OLA1: variants seen among roughly 807,000 people sequenced by gnomAD.
The protein encoded by OLA1 is obg-like ATPase 1.
In OLA1, 14 loss-of-function variants were observed where a neutral mutation model predicts 48.4. The observed-to-expected ratio is 0.29, with a 90% CI of 0.19 to 0.45. The LOEUF (loss-of-function observed/expected upper bound fraction) is 0.45, where lower values mean the gene tolerates loss of function less well. OLA1 is among the 20% of genes least tolerant of loss of function. OLA1 has a pLI of 1.00. For missense variants in OLA1, 325 were observed against 467.1 expected (o/e 0.70, Z 2.80); for synonymous variants, 127 against 150.4 (o/e 0.84, Z 1.14).
intron 3 of OLA1, among the ~76,000 whole-genome samples, chr2:174,227,275 A>G (rs1026122779): frequency 1.3e-5 from 2 of 152,164 alleles, no homozygotes; most frequent in Non-Finnish European, 2.9e-5. Flanking sequence ...AAAATAAGAT[A>G]AAACAACTGA....
At chr2:174,110,699 A>G (rs1685628907) in intron 7 of OLA1, among the ~76,000 whole-genome samples, 2 of 152,198 alleles carry the variant, frequency 1.3e-5, no homozygotes, top group Non-Finnish European at 2.9e-5. Flanking sequence ...TTCCCGCCTC[A>G]GCCTCCTGAG....
chr2:174,189,857 T>G (rs1288517013), intron 4 of OLA1, among the ~76,000 whole-genome samples: 1 of 108,260 alleles, frequency 9.2e-6, no homozygotes, highest in Non-Finnish European at 1.8e-5. Flanking sequence ...TATAATATAA[T>G]CAGAGCAAAA....
chr2:174,177,547 T>C (rs1687446991), intron 4 of OLA1, among the ~76,000 whole-genome samples: 1 of 152,156 alleles, frequency 6.6e-6, no homozygotes, highest in Non-Finnish European at 1.5e-5. Flanking sequence ...ATTCTGAATA[T>C]TGACATGCAT....
At chr2:174,182,273 C>T (rs922477149) in intron 4 of OLA1, among the ~76,000 whole-genome samples, 1 of 152,066 alleles carries the variant, frequency 6.6e-6, no homozygotes, top group African/African-American at 2.4e-5. Flanking sequence ...GCCTGTAATC[C>T]CAGCACTTTG....
intron 4 of OLA1, among the ~76,000 whole-genome samples, chr2:174,200,612 A>G (rs1687970854): frequency 6.6e-6 from 1 of 152,208 alleles, no homozygotes; most frequent in African/African-American, 2.4e-5. Context: ...ATCAATATGG[A>G]TAACTGCAAT....
chr2:174,131,795 T>C (rs949736105), intron 5 of OLA1, among the ~76,000 whole-genome samples: 3 of 152,080 alleles, frequency 2.0e-5, no homozygotes, highest in Admixed American at 6.5e-5. Context: ...AATTCTTTGT[T>C]AGATGCTGCA....
intron 4 of OLA1, among the ~76,000 whole-genome samples, chr2:174,156,368 C>CATT (rs920904782): frequency 3.2e-4 from 48 of 152,220 alleles, no homozygotes; most frequent in South Asian, 2.1e-4. Context: ...AGTTGAAATG[C>CATT]ATTAGTACAT....
chr2:174,223,908 CA>C (rs967483431), intron 3 of OLA1, among the ~76,000 whole-genome samples: 11 of 151,808 alleles, frequency 7.2e-5, no homozygotes, highest in African/African-American at 2.7e-4. Flanking sequence ...CATTTAACAC[CA>C]GTTAAAAACC....
At chr2:174,116,262 A>T (rs1334615449) in intron 7 of OLA1, among the ~76,000 whole-genome samples, 4 of 152,244 alleles carry the variant, frequency 2.6e-5, no homozygotes, top group Non-Finnish European at 2.9e-5. Flanking sequence ...GGTCGTAAAA[A>T]TGGTCACAGA....
intron 8 of OLA1, among the ~76,000 whole-genome samples, chr2:174,081,460 G>C (rs1208307763): frequency 6.6e-6 from 1 of 152,000 alleles, no homozygotes; most frequent in Non-Finnish European, 1.5e-5. Flanking sequence ...TTAGCCTGAA[G>C]ATATTATTTT....
rs77390741 is a variant in OLA1 at position 174,146,612 on chromosome 2, G to A, written c.374-4612C>T. Among the ~76,000 whole-genome samples, 1,508 of 152,310 alleles carry A rather than the reference G, an allele frequency of 9.9e-3. 27 individuals carry two copies. Among genetic ancestry groups the A allele is most frequent in the African/African-American group, 0.034 (1,413 of 41,552 alleles). ...CTCCAACACTCAGATGACTGAGGGAGGAGAAGAACTTGGCAAGAGACTGAG... is the reference window on the plus strand; with the variant it reads ...CTCCAACACTCAGATGACTGAGGGAAGAGAAGAACTTGGCAAGAGACTGAG... On this transcript the variant is annotated intron_variant, in intron 4 of 10. Coordinates refer to ENST00000284719, the MANE Select transcript of OLA1 (RefSeq NM_013341.5).
chr2:174,192,730 T>C (rs1479189573), intron 4 of OLA1, among the ~76,000 whole-genome samples: 2 of 152,184 alleles, frequency 1.3e-5, no homozygotes, highest in African/African-American at 4.8e-5. Flanking sequence ...ACTATTTCTG[T>C]TTCATTTCTG....
chr2:174,103,948 G>A, intron 7 of OLA1, among the ~76,000 whole-genome samples: 1 of 152,168 alleles, frequency 6.6e-6, no homozygotes, highest in South Asian at 2.1e-4. Context: ...CCATCGTAGG[G>A]GGAAGTGGTA....
At chr2:174,093,399 G>C (rs1685171242) in intron 7 of OLA1, among the ~76,000 whole-genome samples, 1 of 151,828 alleles carries the variant, frequency 6.6e-6, no homozygotes, top group Admixed American at 6.6e-5. Flanking sequence ...ACCCAGGAGA[G>C]GCTGCAGTGA....
rs200786721 is a variant in OLA1 at position 174,168,852 on chromosome 2, G to A, written c.374-26852C>T. On this transcript the variant is annotated intron_variant, in intron 4 of 10. Transcript: ENST00000284719. ...TTAAGATGACTGAGGAAAAGAATATGTCAAAGATAAATCAACAGAAACTAA... is the reference window on the plus strand; with the variant it reads ...TTAAGATGACTGAGGAAAAGAATATATCAAAGATAAATCAACAGAAACTAA... Among the ~76,000 whole-genome samples, 4 of 151,336 alleles carry A rather than the reference G, an allele frequency of 2.6e-5. No individual in the cohort carries two copies. In the East Asian group the frequency reaches 7.7e-4, roughly 29 times the overall value.
Position 174,163,697 on chromosome 2 carries a change from AAAATAAAT to A in OLA1, c.374-21705_374-21698del, listed in dbSNP as rs1338891448. On this transcript the variant is annotated intron_variant, in intron 4 of 10. Coordinates refer to ENST00000284719, the MANE Select transcript of OLA1 (RefSeq NM_013341.5). The stretch of plus-strand genomic sequence containing the variant: ...AAGAACGAGACCTTGTCTCAAAAAT[AAAATAAAT>A]AAATAAATATATATATATATATATA... Among the ~76,000 whole-genome samples, 121 of 64,072 alleles carry A rather than the reference AAAATAAAT, an allele frequency of 1.9e-3. 14 individuals carry two copies. The highest frequency in any genetic ancestry group is 2.5e-3 in the Non-Finnish European group (89 of 35,080). The allele number at this position is 64,072 out of a possible 152,430, so 42.0% of individuals were successfully genotyped here. A position where few individuals can be genotyped will look rare whatever the true frequency, so the allele number is the denominator to read the frequency against.
At chr2:174,130,405 A>T (rs1399534897) in intron 5 of OLA1, among the ~76,000 whole-genome samples, 1 of 152,238 alleles carries the variant, frequency 6.6e-6, no homozygotes, top group Non-Finnish European at 1.5e-5. Flanking sequence ...TAATTCTAGC[A>T]ATAACCTTGG....
intron 10 of OLA1, among the ~76,000 whole-genome samples, chr2:174,077,278 A>C (rs1404799073): frequency 6.6e-6 from 1 of 152,158 alleles, no homozygotes; most frequent in African/African-American, 2.4e-5. Flanking sequence ...AGTTCACAGC[A>C]CTGGCATTAA....
chr2:174,219,578 C>T (rs1014866272), intron 4 of OLA1, among the ~76,000 whole-genome samples: 1 of 151,852 alleles, frequency 6.6e-6, no homozygotes, highest in Non-Finnish European at 1.5e-5. Context: ...CAGGCACATG[C>T]CACCATACCC....
Sources: allele counts gnomAD v4.1 joint callset (sites outside exome capture counted in the v4.1 genomes callset), GRCh38; gene constraint gnomAD v4.1.1; transcripts MANE v1.5; gene names NCBI Gene and HGNC (gene_info 2026-07-23, HGNC 2026-07-21).